RIMBP2: variants seen among roughly 807,000 people sequenced by gnomAD.
RIMBP2 encodes the protein RIMS binding protein 2, also known as RIMS-binding protein 2.
RIMBP2 carries 48 observed loss-of-function variants against 118.6 expected under a neutral mutation model. The observed-to-expected ratio is 0.40, with a 90% confidence interval of 0.32 to 0.51. The LOEUF (loss-of-function observed/expected upper bound fraction) is 0.51. Among genes scored for constraint, RIMBP2 ranks in the 20% least tolerant of loss-of-function variants. The probability of loss-of-function intolerance (pLI) is 0.41; values close to 1 mark genes in which losing one functional copy is unlikely to be tolerated. For missense variants in RIMBP2, 1,551 were observed against 1,768.3 expected (o/e 0.88, Z 2.20); for synonymous variants, 762 against 742.9 (o/e 1.03, Z -0.42).
At chr12:130,439,238 A>G (rs2077814069) in intron 11 of RIMBP2, among the ~76,000 whole-genome samples, 1 of 151,422 alleles carries the variant, frequency 6.6e-6, no homozygotes, top group South Asian at 2.1e-4. Flanking sequence ...GTAGATGTAT[A>G]TGTATGTATG....
At chr12:130,691,253 G>A (rs531143498) in intron 1 of RIMBP2, among the ~76,000 whole-genome samples, 6 of 152,284 alleles carry the variant, frequency 3.9e-5, no homozygotes, top group Middle Eastern at 3.4e-3. Context: ...CCACAGCAAC[G>A]GCTTCCTGGG....
At chr12:130,519,321 A>G (rs979196130) in intron 2 of RIMBP2, among the ~76,000 whole-genome samples, 1 of 152,230 alleles carries the variant, frequency 6.6e-6, no homozygotes, top group South Asian at 2.1e-4. Flanking sequence ...TCTTAGCCAC[A>G]GTCATAATGA....
intron 2 of RIMBP2, among the ~76,000 whole-genome samples, chr12:130,524,032 A>C (rs549582910): frequency 5.3e-5 from 8 of 152,132 alleles, no homozygotes; most frequent in Non-Finnish European, 1.0e-4. Flanking sequence ...GACAGGCCCC[A>C]GCAAGATGCT....
At chr12:130,599,440 T>A (rs373394381) in intron 2 of RIMBP2, among the ~76,000 whole-genome samples, 2 of 152,176 alleles carry the variant, frequency 1.3e-5, no homozygotes, top group South Asian at 2.1e-4. Context: ...CCAATTAAAC[T>A]AATGGGCAAA....
At chr12:130,715,871 T>G (rs1950294913) in intron 1 of RIMBP2, among the ~76,000 whole-genome samples, 1 of 151,714 alleles carries the variant, frequency 6.6e-6, no homozygotes, top group Non-Finnish European at 1.5e-5. Flanking sequence ...GTGCCAAACT[T>G]TGCCTGGAGG....
At chr12:130,691,070 T>C (rs138808970) in intron 1 of RIMBP2, among the ~76,000 whole-genome samples, 149 of 152,218 alleles carry the variant, frequency 9.8e-4, no homozygotes, top group African/African-American at 3.4e-3. Context: ...AGAGGTCAGT[T>C]CCTCAAAGGA....
chr12:130,644,662 C>T (rs1170307202), intron 1 of RIMBP2, among the ~76,000 whole-genome samples: 5 of 152,208 alleles, frequency 3.3e-5, no homozygotes, highest in Admixed American at 6.5e-5. Flanking sequence ...TCCTAATCAC[C>T]GTCAGACTTC....
chr12:130,714,257 G>A (rs1266204778), intron 1 of RIMBP2, among the ~76,000 whole-genome samples: 1 of 152,246 alleles, frequency 6.6e-6, no homozygotes, highest in Admixed American at 6.5e-5. Flanking sequence ...GGGCCAAAGA[G>A]ATGAAACTGA....
At chr12:130,449,166 G>A (rs758253890) in intron 9 of RIMBP2, among the ~76,000 whole-genome samples, 7 of 152,252 alleles carry the variant, frequency 4.6e-5, no homozygotes, top group Non-Finnish European at 8.8e-5. Flanking sequence ...TGGAGCATCT[G>A]TGAGACAAAA....
intron 2 of RIMBP2, among the ~76,000 whole-genome samples, chr12:130,528,106 A>G (rs1212201790): frequency 6.6e-6 from 1 of 152,192 alleles, no homozygotes; most frequent in African/African-American, 2.4e-5. Flanking sequence ...TATATACCCA[A>G]AGAAATATAA....
chr12:130,474,327 T>C (rs1467062846), intron 5 of RIMBP2, among the ~76,000 whole-genome samples: 1 of 152,248 alleles, frequency 6.6e-6, no homozygotes, highest in Non-Finnish European at 1.5e-5. Flanking sequence ...TCCTCGGTCA[T>C]CTTATCTGCG....
chr12:130,502,667 A>C (rs568549969), intron 4 of RIMBP2, among the ~76,000 whole-genome samples: 15 of 152,304 alleles, frequency 9.8e-5, no homozygotes, highest in African/African-American at 3.6e-4. Flanking sequence ...TTTTTCTGCA[A>C]AGCACTTATC....
chr12:130,655,848 G>T (rs961923781), intron 1 of RIMBP2, among the ~76,000 whole-genome samples: 4 of 152,242 alleles, frequency 2.6e-5, no homozygotes, highest in African/African-American at 9.6e-5. Flanking sequence ...AGCAGCTCAG[G>T]TCAAGGCACA....
chr12:130,662,860 T>C (rs2063720000), intron 1 of RIMBP2, among the ~76,000 whole-genome samples: 1 of 151,550 alleles, frequency 6.6e-6, no homozygotes, highest in Non-Finnish European at 1.5e-5. Context: ...GGAAGCTGAG[T>C]TGGGAGGACT....
chr12:130,527,924 T>C (rs1191950446), intron 2 of RIMBP2, among the ~76,000 whole-genome samples: 1 of 152,132 alleles, frequency 6.6e-6, no homozygotes, highest in African/African-American at 2.4e-5. Context: ...TGGCGATTAC[T>C]AAAAAGTCAG....
chr12:130,561,330 T>C (rs2056808045), intron 2 of RIMBP2, among the ~76,000 whole-genome samples: 2 of 152,096 alleles, frequency 1.3e-5, no homozygotes, highest in South Asian at 4.2e-4. Context: ...AAGTCCAACA[T>C]ATTTTATGTC....
intron 2 of RIMBP2, among the ~76,000 whole-genome samples, chr12:130,535,352 A>AGAAG (rs75689581): frequency 6.6e-6 from 1 of 151,572 alleles, no homozygotes; most frequent in Non-Finnish European, 1.5e-5. Flanking sequence ...ATTAAAAAAA[A>AGAAG]AAATTGTTTT....
intron 17 of RIMBP2, among the ~76,000 whole-genome samples, chr12:130,421,703 G>GTGTGTGTGTA (rs2076422425): frequency 6.6e-6 from 1 of 151,126 alleles, no homozygotes; most frequent in Non-Finnish European, 1.5e-5. Context: ...GTGTGTGTGT[G>GTGTGTGTGTA]TGTGTGTGTG....
chr12:130,464,590 C>A (rs1312215182), intron 6 of RIMBP2, among the ~76,000 whole-genome samples: 2 of 152,216 alleles, frequency 1.3e-5, no homozygotes, highest in East Asian at 3.9e-4. Flanking sequence ...TGTGCTTGGC[C>A]CTGCCTGGGG....
Sources: gnomAD v4.1 joint callset for allele counts (sites outside exome capture counted in the v4.1 genomes callset) on GRCh38, gnomAD v4.1.1 for gene constraint, MANE v1.5 for transcripts, NCBI Gene and HGNC (gene_info 2026-07-23, HGNC 2026-07-21) for gene names.